RERE: variants seen among roughly 807,000 people sequenced by gnomAD.
RERE encodes arginine-glutamic acid dipeptide repeats protein.
RERE carries 40 observed loss-of-function variants against 146.1 expected under a neutral mutation model. The ratio of observed to expected loss-of-function variants is 0.27; its 90% CI spans 0.21 to 0.36. RERE has a LOEUF of 0.36. RERE is among the 10% of genes least tolerant of loss of function. The pLI, the probability that RERE is intolerant of heterozygous loss-of-function variation, is 1.00. For synonymous variants in RERE, 1,003 were observed against 866.0 expected, an observed-to-expected ratio of 1.16 and a Z score of -2.78; for missense variants, 1,933 against 2,138.7, an observed-to-expected ratio of 0.90 and a Z score of 1.90.
chr1:8,411,334 T>A (rs1002688015), intron 12 of RERE, among the ~76,000 whole-genome samples: 5 of 150,880 alleles, frequency 3.3e-5, no homozygotes, highest in East Asian at 1.9e-4. Context: ...TTTTTTTTTT[T>A]AAAGAGATGG....
At chr1:8,511,342 GGAAA>G (rs1645332917) in intron 7 of RERE, among the ~76,000 whole-genome samples, 1 of 152,064 alleles carries the variant, frequency 6.6e-6, no homozygotes, top group South Asian at 2.1e-4. Flanking sequence ...GATAAAATAA[GGAAA>G]CTTCTTAAAA....
At chr1:8,647,777 C>T (rs1031385176) in intron 2 of RERE, among the ~76,000 whole-genome samples, 6 of 151,956 alleles carry the variant, frequency 3.9e-5, no homozygotes, top group African/African-American at 1.4e-4. Context: ...TTCGATGATT[C>T]AGAGAACTAA....
chr1:8,602,359 C>A (rs1646643588), intron 4 of RERE, among the ~76,000 whole-genome samples: 4 of 150,348 alleles, frequency 2.7e-5, no homozygotes, highest in Admixed American at 2.7e-4. Context: ...CCACTGCACT[C>A]CAGCCTGGTG....
intron 7 of RERE, among the ~76,000 whole-genome samples, chr1:8,532,211 T>C (rs142376806): frequency 9.3e-4 from 141 of 152,378 alleles, no homozygotes; most frequent in African/African-American, 1.8e-3. Flanking sequence ...ACTCCGTTTG[T>C]TAACATTTCA....
At chr1:8,478,389 A>G (rs1264122847) in intron 10 of RERE, among the ~76,000 whole-genome samples, 3 of 152,342 alleles carry the variant, frequency 2.0e-5, no homozygotes, top group Non-Finnish European at 2.9e-5. Flanking sequence ...GGAGGAGAAG[A>G]GCCAGTTTTC....
At chr1:8,550,393 G>A (rs890924719) in intron 6 of RERE, among the ~76,000 whole-genome samples, 6 of 152,182 alleles carry the variant, frequency 3.9e-5, no homozygotes, top group Non-Finnish European at 8.8e-5. Context: ...CAATAAAAAT[G>A]CTGTAGGTCA....
At chr1:8,692,634 C>T (rs186352857) in intron 1 of RERE, among the ~76,000 whole-genome samples, 3 of 152,220 alleles carry the variant, frequency 2.0e-5, no homozygotes, top group African/African-American at 7.2e-5. Context: ...CAGGCATGAG[C>T]CACCGTATTC....
At chr1:8,741,019 T>C (rs1640296754) in intron 1 of RERE, among the ~76,000 whole-genome samples, 1 of 152,244 alleles carries the variant, frequency 6.6e-6, no homozygotes, top group African/African-American at 2.4e-5. Context: ...TTGAATGTGC[T>C]ATATTTCATA....
intron 7 of RERE, among the ~76,000 whole-genome samples, chr1:8,523,626 C>A (rs1353974649): frequency 6.0e-5 from 9 of 150,032 alleles, no homozygotes. Context: ...AAATATTTTT[C>A]CCAGACAGGA....
chr1:8,551,144 C>A (rs997932724), intron 6 of RERE, among the ~76,000 whole-genome samples: 1 of 151,684 alleles, frequency 6.6e-6, no homozygotes, highest in African/African-American at 2.4e-5. Flanking sequence ...CCAAGTGACT[C>A]CTCCAAATAG....
At chr1:8,478,529 C>T (rs1030290642) in intron 10 of RERE, among the ~76,000 whole-genome samples, 6 of 152,120 alleles carry the variant, frequency 3.9e-5, no homozygotes, top group East Asian at 3.9e-4. Context: ...AGGAGTGGGG[C>T]GCCCCAGTGT....
chr1:8,805,065 C>T (rs1211726389), intron 1 of RERE, among the ~76,000 whole-genome samples: 1 of 128,894 alleles, frequency 7.8e-6, no homozygotes, highest in East Asian at 2.3e-4. Context: ...GGCTGGAGTG[C>T]AGTGGCGTGA....
rs139598732 is a variant in RERE at position 8,779,644 on chromosome 1, C to G, written c.-145+37516G>C. Among the ~76,000 whole-genome samples, 305 of 151,716 alleles carry G rather than the reference C, an allele frequency of 2.0e-3. 7 individuals carry two copies. The East Asian group carries it at 0.039, about 19-fold the overall frequency. On this transcript the variant is annotated intron_variant, in intron 1 of 22. Coordinates refer to ENST00000400908, the MANE Select transcript of RERE (RefSeq NM_001042681.2). ...CGCCACTGCACTCCAGTCCGGGCGA[C>G]AAAGCAAGACTGTCTCCAAAAAAAA... is the stretch of plus-strand genomic sequence containing the variant.
At chr1:8,812,739 A>C (rs190828744) in intron 1 of RERE, among the ~76,000 whole-genome samples, 42 of 152,314 alleles carry the variant, frequency 2.8e-4, no homozygotes, top group African/African-American at 9.9e-4. Context: ...CTAGTTACCT[A>C]ATGTACAGAC....
chr1:8,365,297 C>T (rs1451626184), intron 13 of RERE, among the ~76,000 whole-genome samples: 1 of 152,220 alleles, frequency 6.6e-6, no homozygotes, highest in Non-Finnish European at 1.5e-5. Flanking sequence ...AGCTATAAGG[C>T]ACTTTTGCTA....
At chr1:8,806,492 C>T (rs1476316448) in intron 1 of RERE, among the ~76,000 whole-genome samples, 2 of 152,036 alleles carry the variant, frequency 1.3e-5, no homozygotes, top group Admixed American at 1.3e-4. Context: ...GATCGTCCAG[C>T]TTGGTGACAG....
At chr1:8,593,201 T>C (rs1449975962) in intron 4 of RERE, among the ~76,000 whole-genome samples, 1 of 152,192 alleles carries the variant, frequency 6.6e-6, no homozygotes, top group African/African-American at 2.4e-5. Context: ...CCAAAGTTGT[T>C]AGGCACGGCT....
chr1:8,500,433 A>C (rs1365346130), intron 8 of RERE, among the ~76,000 whole-genome samples: 1 of 152,232 alleles, frequency 6.6e-6, no homozygotes, highest in Non-Finnish European at 1.5e-5. Flanking sequence ...GGCTGGTCTC[A>C]GCTCCTGACC....
At chr1:8,691,120 T>C (rs940672749) in intron 1 of RERE, among the ~76,000 whole-genome samples, 1 of 152,100 alleles carries the variant, frequency 6.6e-6, no homozygotes, top group African/African-American at 2.4e-5. Context: ...ATGGTCTCGA[T>C]CTCTTGACCT....
Sources: gnomAD v4.1 joint callset for allele counts (sites outside exome capture counted in the v4.1 genomes callset) on GRCh38, gnomAD v4.1.1 for gene constraint, MANE v1.5 for transcripts, NCBI Gene and HGNC (gene_info 2026-07-23, HGNC 2026-07-21) for gene names.